Variants in TMEM200A observed in about 807,000 individuals in gnomAD.
TMEM200A encodes the protein two transmembrane C.
Under a neutral mutation model 24.3 loss-of-function variants are expected in TMEM200A, and 12 were observed. That is an observed-to-expected ratio of 0.49 (90% CI 0.32 to 0.80). The LOEUF (loss-of-function observed/expected upper bound fraction) is 0.80, where lower values mean the gene tolerates loss of function less well. TMEM200A is among the 30% of genes least tolerant of loss of function. The pLI, the probability that TMEM200A is intolerant of heterozygous loss-of-function variation, is 0.04. For missense variants in TMEM200A, 545 were observed against 614.4 expected (o/e 0.89, Z 1.19); for synonymous variants, 224 against 224.4 (o/e 1.00, Z 0.02).
chr6:130,435,333 T>C (rs1199544483), intron 2 of TMEM200A, among the ~76,000 whole-genome samples: 3 of 152,144 alleles, frequency 2.0e-5, no homozygotes, highest in Non-Finnish European at 4.4e-5. Flanking sequence ...GATCTCTTTT[T>C]GAAGAATATG....
At chr6:130,412,072 C>T (rs912491604) in intron 2 of TMEM200A, among the ~76,000 whole-genome samples, 2 of 149,512 alleles carry the variant, frequency 1.3e-5, no homozygotes, top group Admixed American at 6.6e-5. Context: ...TTGACATACC[C>T]CATCATTTGT....
Position 130,388,878 on chromosome 6 carries a change from G to A in TMEM200A, c.-17+3642G>A, listed in dbSNP as rs147137900. Among the ~76,000 whole-genome samples, 146 of 152,186 alleles carry A rather than the reference G, an allele frequency of 9.6e-4. 1 individual carries two copies. The highest frequency in any genetic ancestry group is 3.2e-3 in the African/African-American group (133 of 41,524). On this transcript the variant is annotated intron_variant, in intron 2 of 2. Coordinates refer to ENST00000296978, the MANE Select transcript of TMEM200A (RefSeq NM_001258277.2). ...CTCATGACATTTGGCACATCAGCAA[G>A]TAGCAATAATTTTAACACTAATTAG...
chr6:130,394,442 T>C (rs1778903298), intron 2 of TMEM200A, among the ~76,000 whole-genome samples: 2 of 152,288 alleles, frequency 1.3e-5, no homozygotes, highest in South Asian at 4.1e-4. Flanking sequence ...CAGAGCTTTC[T>C]TCTCTCCCCA....
intron 2 of TMEM200A, among the ~76,000 whole-genome samples, chr6:130,426,462 C>A (rs866654710): frequency 6.9e-4 from 81 of 116,696 alleles, no homozygotes; most frequent in East Asian, 1.3e-3. Flanking sequence ...TTTCTGCAGC[C>A]CCCCCCCCCT....
chr6:130,436,630 C>CTTTTTT (rs1583233634), intron 2 of TMEM200A, among the ~76,000 whole-genome samples: 2,373 of 66,702 alleles, frequency 0.036, 849 homozygotes, highest in Middle Eastern at 0.069. Context: ...TTTTCTTTAT[C>CTTTTTT]CTTTTTTTTT....
Position 130,442,136 on chromosome 6 carries a change from A to C in TMEM200A, c.*238A>C. On this transcript the variant is annotated 3_prime_UTR_variant, in exon 3 of 3. Coordinates refer to ENST00000296978, the MANE Select transcript of TMEM200A (RefSeq NM_001258277.2). ...TTCCTTTGAAAGCATGATCTCTTTTATTAATATGAATGCAAAATGCTTGCA... is the reference window on the plus strand; with the variant it reads ...TTCCTTTGAAAGCATGATCTCTTTTCTTAATATGAATGCAAAATGCTTGCA... 1 of 369,796 alleles carries C rather than the reference A, an allele frequency of 2.7e-6. No individual in the cohort carries two copies. The highest frequency in any genetic ancestry group is 8.1e-5 in the South Asian group (1 of 12,334). 22.9% of individuals were successfully genotyped at this position (369,796 alleles called of 1,614,324 possible).
chr6:130,372,412 G>A (rs573547244), intron 1 of TMEM200A, among the ~76,000 whole-genome samples: 28 of 152,094 alleles, frequency 1.8e-4, no homozygotes, highest in Non-Finnish European at 3.2e-4. Flanking sequence ...GGGTAGATAC[G>A]TCAGCAAGTC....
intron 2 of TMEM200A, among the ~76,000 whole-genome samples, chr6:130,436,737 C>T (rs557174175): frequency 4.1e-5 from 6 of 146,280 alleles, no homozygotes; most frequent in Non-Finnish European, 8.9e-5. Context: ...GCCTCCAGCT[C>T]CTGGCCTCAA....
intron 2 of TMEM200A, among the ~76,000 whole-genome samples, chr6:130,408,582 AG>A (rs1440503577): frequency 8.5e-5 from 13 of 152,116 alleles, no homozygotes; most frequent in African/African-American, 3.1e-4. Flanking sequence ...GGTGGGCATG[AG>A]GAAATATCTG....
At position 130,441,458 on chromosome 6, in the gene TMEM200A, C is replaced by T. The variant is rs2115243455; in HGVS notation, c.1036C>T (p.Pro346Ser). ...ESFQPVSTVL[P>S]RNNSIGESLS... ...CTTCCAGCCCGTCAGCACAGTGCTA[C>T]CAAGGAATAATTCCATTGGGGAGTC... is the stretch of plus-strand genomic sequence containing the variant. Residue 346 changes from proline (P) to serine (S), a missense_variant, in exon 3 of 3, where the codon CCA becomes TCA. By Grantham distance (74) the Pro-to-Ser change is moderately conservative. Coordinates refer to ENST00000296978, the MANE Select transcript of TMEM200A (RefSeq NM_001258277.2). The T allele has an allele frequency of 6.2e-7, 1 of 1,614,076 alleles. No homozygotes were observed. Among genetic ancestry groups the T allele is most frequent in the East Asian group, 2.2e-5 (1 of 44,834 alleles).
intron 2 of TMEM200A, among the ~76,000 whole-genome samples, chr6:130,398,837 T>C (rs1301929872): frequency 6.6e-6 from 1 of 152,006 alleles, no homozygotes; most frequent in Non-Finnish European, 1.5e-5. Flanking sequence ...TTATAGTAAA[T>C]TCTTATTGCT....
chr6:130,376,887 G>A (rs1223406171), intron 1 of TMEM200A, among the ~76,000 whole-genome samples: 2 of 151,788 alleles, frequency 1.3e-5, no homozygotes, highest in Non-Finnish European at 2.9e-5. Context: ...TATTTATTTT[G>A]TGAGTCTCCC....
chr6:130,400,107 TAC>T (rs563062452), intron 2 of TMEM200A, among the ~76,000 whole-genome samples: 137 of 150,448 alleles, frequency 9.1e-4, no homozygotes, highest in African/African-American at 3.2e-3. Flanking sequence ...TATATATATA[TAC>T]ACACACACAC....
intron 2 of TMEM200A, among the ~76,000 whole-genome samples, chr6:130,407,735 T>C (rs948931820): frequency 2.0e-5 from 3 of 152,194 alleles, no homozygotes; most frequent in Admixed American, 1.3e-4. Flanking sequence ...ATGATTTATA[T>C]TGCAAATCAG....
intron 2 of TMEM200A, among the ~76,000 whole-genome samples, chr6:130,389,679 A>C (rs1778791599): frequency 6.6e-6 from 1 of 151,458 alleles, no homozygotes; most frequent in South Asian, 2.1e-4. Context: ...GAATTTTGAG[A>C]AATCATTAAT....
chr6:130,440,175 A>C (rs1206942862), intron 2 of TMEM200A, among the ~76,000 whole-genome samples: 2 of 152,194 alleles, frequency 1.3e-5, no homozygotes, highest in Admixed American at 1.3e-4. Flanking sequence ...GTAACTGAAA[A>C]AATAATAGAA....
In TMEM200A at chr6:130,440,516, C is replaced by T; in HGVS notation, c.94C>T (p.Pro32Ser). 6.2e-7 allele frequency: 1 copy of T among 1,614,090 alleles called. No homozygotes were observed. The highest frequency in any genetic ancestry group is 8.5e-7 in the Non-Finnish European group (1 of 1,179,956). ...GCAGCATGTCAACCTCAGCCCGTCT[C>T]CTGCTACCCAAGAGAAGAAGCCCAT... is the stretch of plus-strand genomic sequence containing the variant. ...SQQHVNLSPS[P>S]ATQEKKPIRR... Residue 32 changes from proline to serine, a missense_variant, in exon 3 of 3, where the codon CCT (proline) becomes TCT (serine). Pro to Ser is a moderately conservative substitution (Grantham distance 74). Transcript: ENST00000296978.
At chr6:130,426,822 G>A (rs925595333) in intron 2 of TMEM200A, among the ~76,000 whole-genome samples, 3 of 152,204 alleles carry the variant, frequency 2.0e-5, no homozygotes, top group Non-Finnish European at 4.4e-5. Context: ...CACAGCATTA[G>A]GCTTAAACAG....
chr6:130,385,826 A>G (rs1404172934), intron 2 of TMEM200A, among the ~76,000 whole-genome samples: 1 of 152,190 alleles, frequency 6.6e-6, no homozygotes, highest in Non-Finnish European at 1.5e-5. Flanking sequence ...AATAATTTGC[A>G]GATGAATTTT....
Sources: allele counts gnomAD v4.1 joint callset (sites outside exome capture counted in the v4.1 genomes callset), GRCh38; gene constraint gnomAD v4.1.1; transcripts MANE v1.5; gene names NCBI Gene and HGNC (gene_info 2026-07-23, HGNC 2026-07-21).